The following NDUFA5 variants were observed in gnomAD, a reference collection of about 807,000 sequenced individuals.
NDUFA5 encodes the protein NADH:ubiquinone oxidoreductase subunit A5.
NDUFA5 carries 11 observed loss-of-function variants against 19.8 expected under a neutral mutation model. That is an observed-to-expected ratio of 0.56 (90% confidence interval 0.35 to 0.92). The LOEUF (loss-of-function observed/expected upper bound fraction) is 0.92, where lower values mean the gene tolerates loss of function less well. Ranked by LOEUF, NDUFA5 falls within the 40% of genes least tolerant of loss-of-function variation. NDUFA5 has a pLI of 0.01. For missense variants in NDUFA5, 109 were observed against 134.2 expected (o/e 0.81, Z 0.93); for synonymous variants, 47 against 46.8 (o/e 1.00, Z -0.01).
intron 2 of NDUFA5, chr7:123,554,863 G>A (rs10264986): frequency 0.28 from 43,124 of 151,798 alleles, 6,245 homozygotes; most frequent in East Asian, 0.32. Flanking sequence ...CACATTTTTT[G>A]TAGAGACGGG....
At chr7:123,579,627 C>T in the NDUFA5 span, among the ~76,000 whole-genome samples, 1 of 152,038 alleles carries the variant, frequency 6.6e-6, no homozygotes, top group African/African-American at 2.4e-5. Context: ...AAGTTTGCAA[C>T]ATGCCTGGTA....
the NDUFA5 span, among the ~76,000 whole-genome samples, chr7:123,575,311 A>T: frequency 6.6e-6 from 1 of 151,912 alleles, no homozygotes; most frequent in African/African-American, 2.4e-5. Flanking sequence ...TCTTCCATTG[A>T]TTCTAGTAAA....
chr7:123,579,754 G>A, the NDUFA5 span, among the ~76,000 whole-genome samples: 2 of 151,960 alleles, frequency 1.3e-5, no homozygotes, highest in African/African-American at 4.8e-5. Flanking sequence ...TTATGCTATA[G>A]AATGCATTGT....
chr7:123,565,047 A>G, the NDUFA5 span, among the ~76,000 whole-genome samples: 4 of 152,166 alleles, frequency 2.6e-5, no homozygotes, highest in African/African-American at 9.7e-5. Flanking sequence ...TGCTGTCTGC[A>G]AGCTGATGAA....
chr7:123,558,740 T>G (rs1330107887), upstream of NDUFA5, among the ~76,000 whole-genome samples: 1 of 152,188 alleles, frequency 6.6e-6, no homozygotes, highest in Non-Finnish European at 1.5e-5. Flanking sequence ...TGGTTAAGAT[T>G]ATGAAAGGTG....
chr7:123,589,444 A>G, the NDUFA5 span, among the ~76,000 whole-genome samples: 2 of 149,262 alleles, frequency 1.3e-5, no homozygotes. Flanking sequence ...TACATTAGGT[A>G]TTTCTCCTAA....
the NDUFA5 span, among the ~76,000 whole-genome samples, chr7:123,580,788 A>G: frequency 1.3e-5 from 2 of 152,044 alleles, no homozygotes; most frequent in African/African-American, 4.8e-5. Flanking sequence ...ATAAGGGCTT[A>G]GAGAAATGCT....
At chr7:123,574,181 T>A in the NDUFA5 span, among the ~76,000 whole-genome samples, 1 of 152,028 alleles carries the variant, frequency 6.6e-6, no homozygotes, top group South Asian at 2.1e-4. Flanking sequence ...ATAAAATTGA[T>A]CACCAGGTTC....
At chr7:123,570,150 T>C in the NDUFA5 span, among the ~76,000 whole-genome samples, 2 of 149,038 alleles carry the variant, frequency 1.3e-5, no homozygotes, top group African/African-American at 5.0e-5. Flanking sequence ...TTCTCCTGCC[T>C]CAGCCTCCCA....
the NDUFA5 span, among the ~76,000 whole-genome samples, chr7:123,584,569 T>A: frequency 2.0e-5 from 3 of 151,948 alleles, no homozygotes; most frequent in Admixed American, 2.0e-4. Context: ...ATATTTCTTA[T>A]AAGGTTTTCA....
chr7:123,563,771 A>T, the NDUFA5 span, among the ~76,000 whole-genome samples: 16 of 152,204 alleles, frequency 1.1e-4, no homozygotes, highest in Non-Finnish European at 2.4e-4. Context: ...TCCTAGAGCC[A>T]GTAGACCTAC....
the NDUFA5 span, among the ~76,000 whole-genome samples, chr7:123,582,279 G>A: frequency 6.6e-6 from 1 of 151,746 alleles, no homozygotes; most frequent in African/African-American, 2.4e-5. Context: ...AGATGGGGAG[G>A]GGGGGTTGCA....
the NDUFA5 span, among the ~76,000 whole-genome samples, chr7:123,565,780 G>T: frequency 6.6e-6 from 1 of 152,198 alleles, no homozygotes; most frequent in Non-Finnish European, 1.5e-5. Flanking sequence ...ACTTTGGGAG[G>T]CCAAGGCGGG....
In NDUFA5 at chr7:123,541,920, C is replaced by A; in HGVS notation, c.*199G>T. On this transcript the variant is annotated 3_prime_UTR_variant, in exon 5 of 5. Coordinates refer to ENST00000355749, the MANE Select transcript of NDUFA5 (RefSeq NM_005000.5). ...GTTCACAGAAATATCATCTTTGAAA[C>A]AACTTGTGTGAGTACTTTATAAATC... is the stretch of plus-strand genomic sequence containing the variant. 1 of 339,616 alleles carries A rather than the reference C, an allele frequency of 2.9e-6. No homozygotes were observed. The highest frequency in any genetic ancestry group is 5.3e-6 in the Non-Finnish European group (1 of 189,210). 21.0% of individuals were successfully genotyped at this position (339,616 alleles called of 1,614,324 possible).
At chr7:123,553,994 A>G (rs1798449004) in intron 2 of NDUFA5, among the ~76,000 whole-genome samples, 1 of 152,234 alleles carries the variant, frequency 6.6e-6, no homozygotes, top group Admixed American at 6.5e-5. Flanking sequence ...TACAGAATAC[A>G]TAGAACTGAA....
the NDUFA5 span, among the ~76,000 whole-genome samples, chr7:123,574,207 TC>T: frequency 6.6e-6 from 1 of 151,950 alleles, no homozygotes; most frequent in Non-Finnish European, 1.5e-5. Flanking sequence ...CCTTTTTTTT[TC>T]TTTTTTTTTT....
the NDUFA5 span, among the ~76,000 whole-genome samples, chr7:123,583,566 G>A: frequency 6.6e-6 from 1 of 151,864 alleles, no homozygotes; most frequent in Non-Finnish European, 1.5e-5. Flanking sequence ...GTAGTTACTA[G>A]TATAAACTTT....
the NDUFA5 span, among the ~76,000 whole-genome samples, chr7:123,595,777 C>T: frequency 4.6e-5 from 7 of 152,192 alleles, no homozygotes; most frequent in African/African-American, 1.4e-4. Context: ...TGAGCCAATT[C>T]ACTATCATTT....
At chr7:123,585,899 T>C in the NDUFA5 span, among the ~76,000 whole-genome samples, 1 of 151,812 alleles carries the variant, frequency 6.6e-6, no homozygotes, top group Admixed American at 6.6e-5. Context: ...TTGTCACGAA[T>C]ACCAGAATTT....
Sources: allele counts gnomAD v4.1 joint callset (sites outside exome capture counted in the v4.1 genomes callset), GRCh38; gene constraint gnomAD v4.1.1; transcripts MANE v1.5; gene names NCBI Gene and HGNC (gene_info 2026-07-23, HGNC 2026-07-21).